Variants in FYB1 observed in about 807,000 individuals in gnomAD.
The protein encoded by FYB1 is FYN binding protein 1, also known as FYN-binding protein 1.
Under a neutral mutation model 94.1 loss-of-function variants are expected in FYB1, and 41 were observed. The ratio of observed to expected loss-of-function variants is 0.44; its 90% CI spans 0.34 to 0.57. The LOEUF (loss-of-function observed/expected upper bound fraction) is 0.57, where lower values mean the gene tolerates loss of function less well. Among genes scored for constraint, FYB1 ranks in the 20% least tolerant of loss-of-function variants. The pLI, the probability that FYB1 is intolerant of heterozygous loss-of-function variation, is 0.02. For synonymous variants in FYB1, 367 were observed against 353.2 expected (o/e 1.04, Z -0.44); for missense variants, 1,050 against 976.8 (o/e 1.07, Z -1.00).
At position 39,202,072 on chromosome 5, in the gene FYB1, T is replaced by C. The variant is rs775629458; in HGVS notation, c.889A>G (p.Ser297Gly). The C allele has an allele frequency of 5.0e-6, 8 of 1,614,050 alleles. No homozygotes were observed. The East Asian group carries it at 1.8e-4, about 36-fold the overall frequency. ...GCCAACTCTTCCTGATTTATTTTGC[T>C]CTGGAAGGTGTTCTTAGCAGCATCT... The part of the protein sequence containing the change: ...KIDAAKNTFQ[S>G]KINQEELASG... Residue 297 changes from serine (S) to glycine (G), a missense_variant, in exon 2 of 19, where the codon AGC becomes GGC. Ser to Gly is a moderately conservative substitution (Grantham distance 56, BLOSUM62 0). Coordinates refer to ENST00000512982, the MANE Select transcript of FYB1 (RefSeq NM_001465.6).
At chr5:39,150,258 C>G (rs1463715705) in intron 3 of FYB1, among the ~76,000 whole-genome samples, 2 of 152,026 alleles carry the variant, frequency 1.3e-5, no homozygotes, top group African/African-American at 4.8e-5. Flanking sequence ...TTTTCGCTTT[C>G]TGTCATAATA....
At chr5:39,143,205 C>T (rs1030037616) in intron 3 of FYB1, among the ~76,000 whole-genome samples, 3 of 152,080 alleles carry the variant, frequency 2.0e-5, no homozygotes, top group Admixed American at 2.0e-4. Flanking sequence ...TCTGTATTAT[C>T]ATCTCAGAAA....
At chr5:39,242,065 T>A (rs972743166) in intron 1 of FYB1, among the ~76,000 whole-genome samples, 1 of 152,164 alleles carries the variant, frequency 6.6e-6, no homozygotes, top group Non-Finnish European at 1.5e-5. Flanking sequence ...AATCACTATT[T>A]TTTTTCCCTC....
chr5:39,237,855 T>C (rs1751037279), intron 1 of FYB1, among the ~76,000 whole-genome samples: 1 of 152,136 alleles, frequency 6.6e-6, no homozygotes, highest in African/African-American at 2.4e-5. Flanking sequence ...TCAATTGTAT[T>C]TGGCTAAAGC....
intron 3 of FYB1, among the ~76,000 whole-genome samples, chr5:39,144,796 T>A (rs1364028412): frequency 2.0e-5 from 3 of 151,990 alleles, no homozygotes. Context: ...AGCGAAACTG[T>A]GTCTCAAAAA....
chr5:39,165,458 C>T (rs887453763), intron 2 of FYB1, among the ~76,000 whole-genome samples: 1 of 152,090 alleles, frequency 6.6e-6, no homozygotes, highest in African/African-American at 2.4e-5. Flanking sequence ...TGAAACTGGG[C>T]TCCTATCTCT....
intron 16 of FYB1, among the ~76,000 whole-genome samples, chr5:39,114,275 T>A (rs1400189598): frequency 1.3e-5 from 2 of 152,280 alleles, no homozygotes; most frequent in South Asian, 2.1e-4. Flanking sequence ...GTATAAATAC[T>A]AGTGAGAAAC....
intron 3 of FYB1, among the ~76,000 whole-genome samples, chr5:39,152,198 C>G (rs900355929): frequency 6.6e-6 from 1 of 152,152 alleles, no homozygotes; most frequent in East Asian, 1.9e-4. Context: ...AAATGCACAA[C>G]GCAGGTCATA....
chr5:39,133,536 G>A (rs1277805102), intron 9 of FYB1, among the ~76,000 whole-genome samples: 1 of 152,102 alleles, frequency 6.6e-6, no homozygotes, highest in Non-Finnish European at 1.5e-5. Context: ...AGAAGCAGAA[G>A]ACTAAGAAAG....
chr5:39,206,710 T>G (rs1748887658), intron 1 of FYB1, among the ~76,000 whole-genome samples: 1 of 152,230 alleles, frequency 6.6e-6, no homozygotes. Flanking sequence ...CCTCAAATAA[T>G]AAACTACATG....
At chr5:39,250,819 T>C (rs1363602978) in intron 1 of FYB1, 1 of 152,178 alleles carries the variant, frequency 6.6e-6, no homozygotes, top group Non-Finnish European at 1.5e-5. Flanking sequence ...TTCAAAATGA[T>C]ATGATATTCT....
chr5:39,111,391 A>T (rs976160095), intron 16 of FYB1, among the ~76,000 whole-genome samples: 1 of 151,968 alleles, frequency 6.6e-6, no homozygotes, highest in Non-Finnish European at 1.5e-5. Flanking sequence ...TGTGTTACAA[A>T]TTATAAGGAG....
chr5:39,165,687 T>G (rs1298547223), intron 2 of FYB1, among the ~76,000 whole-genome samples: 2 of 152,268 alleles, frequency 1.3e-5, no homozygotes, highest in Middle Eastern at 3.4e-3. Context: ...AATAATCAAC[T>G]GAATAAGCAG....
chr5:39,146,105 G>A (rs1742629372), intron 3 of FYB1, among the ~76,000 whole-genome samples: 2 of 151,884 alleles, frequency 1.3e-5, no homozygotes, highest in Admixed American at 1.3e-4. Context: ...AATAGAGACA[G>A]GGTTTCACCA....
intron 2 of FYB1, among the ~76,000 whole-genome samples, chr5:39,187,952 A>AG (rs1379890072): frequency 1.3e-5 from 2 of 152,180 alleles, no homozygotes; most frequent in Non-Finnish European, 2.9e-5. Context: ...TGAAAATGAA[A>AG]GGGAATAGAA....
At position 39,106,250 on chromosome 5, in the gene FYB1, C is replaced by T. The variant is rs759605613; in HGVS notation, c.*1193G>A. On this transcript the variant is annotated 3_prime_UTR_variant, in exon 19 of 19. Transcript: ENST00000512982. Reference sequence around the variant, plus strand: ...GATAAATAATTTATTCAATATCACTCGATGGTTCATTAGTAGAAGAGCCAG... The same window carrying T: ...GATAAATAATTTATTCAATATCACTTGATGGTTCATTAGTAGAAGAGCCAG... The T allele has an allele frequency of 5.3e-5, 8 of 151,994 alleles. No homozygotes were observed. Among genetic ancestry groups the T allele is most frequent in the Admixed American group, 6.6e-5 (1 of 15,258 alleles). The allele number at this position is 151,994 out of a possible 1,614,324, so 9.4% of individuals were successfully genotyped here.
chr5:39,266,159 G>A (rs911258438), intron 1 of FYB1, among the ~76,000 whole-genome samples: 2 of 152,154 alleles, frequency 1.3e-5, no homozygotes, highest in Non-Finnish European at 2.9e-5. Context: ...TGTAAAGTGA[G>A]CTGATCTAAG....
chr5:39,165,823 A>G (rs1314435529), intron 2 of FYB1, among the ~76,000 whole-genome samples: 16 of 152,246 alleles, frequency 1.1e-4, no homozygotes, highest in Admixed American at 9.8e-4. Flanking sequence ...AGGACATTGA[A>G]CAGATATTTT....
intron 2 of FYB1, among the ~76,000 whole-genome samples, chr5:39,188,304 A>G (rs2150449002): frequency 6.6e-6 from 1 of 152,332 alleles, no homozygotes; most frequent in South Asian, 2.1e-4. Flanking sequence ...TTTCAAGAAC[A>G]ACCACAGACC....
Sources: gnomAD v4.1 joint callset for allele counts (sites outside exome capture counted in the v4.1 genomes callset) on GRCh38, gnomAD v4.1.1 for gene constraint, MANE v1.5 for transcripts, NCBI Gene and HGNC (gene_info 2026-07-23, HGNC 2026-07-21) for gene names.